The following AMOTL1 variants were observed in gnomAD, a reference collection of about 807,000 sequenced individuals.
AMOTL1 encodes angiomotin like 1.
A neutral mutation model predicts 102.9 loss-of-function variants in AMOTL1; 45 were observed. The observed-to-expected ratio is 0.44, with a 90% CI of 0.34 to 0.56. The LOEUF (loss-of-function observed/expected upper bound fraction) is 0.56. Among genes scored for constraint, AMOTL1 ranks in the 20% least tolerant of loss-of-function variants. The pLI, the probability that AMOTL1 is intolerant of heterozygous loss-of-function variation, is 0.01. For synonymous variants in AMOTL1, 481 were observed against 484.7 expected, an observed-to-expected ratio of 0.99 and a Z score of 0.10; for missense variants, 1,114 against 1,225.6, an observed-to-expected ratio of 0.91 and a Z score of 1.36.
intron 1 of AMOTL1, among the ~76,000 whole-genome samples, chr11:94,781,917 A>G (rs1371209724): frequency 6.6e-6 from 1 of 152,244 alleles, no homozygotes; most frequent in Non-Finnish European, 1.5e-5. Context: ...AGACAGTGGT[A>G]GTAGTCAGTC....
chr11:94,863,770 T>C (rs562244623), intron 9 of AMOTL1, among the ~76,000 whole-genome samples: 1 of 152,350 alleles, frequency 6.6e-6, no homozygotes, highest in East Asian at 1.9e-4. Context: ...TTACTAATCA[T>C]TGTTAGTTAG....
At chr11:94,800,428 A>G in intron 3 of AMOTL1, 117 bp downstream of exon 3, 1 of 1,160,118 alleles carries the variant, frequency 8.6e-7, no homozygotes, top group East Asian at 2.4e-5. Flanking sequence ...TTCCTTATGC[A>G]TGATATTTAA....
At position 94,792,768 on chromosome 11, in the gene AMOTL1, G is replaced by T. The variant is rs142163524; in HGVS notation, c.50-2243G>T. Among the ~76,000 whole-genome samples the T allele has an allele frequency of 1.6e-3, 241 of 152,308 alleles. 2 individuals are homozygous for T. The highest frequency in any genetic ancestry group is 5.5e-3 in the African/African-American group (227 of 41,568). Reference sequence around the variant, plus strand: ...AGTGTGAATTCAGGTGTGTGTGGGGGTGTGTGAAATGCTTTAGTTCTTTCA... The same window carrying T: ...AGTGTGAATTCAGGTGTGTGTGGGGTTGTGTGAAATGCTTTAGTTCTTTCA... On this transcript the variant is annotated intron_variant, in intron 1 of 12. Coordinates refer to ENST00000433060, the MANE Select transcript of AMOTL1 (RefSeq NM_130847.3).
At chr11:94,773,275 A>G (rs1031086791) in intron 1 of AMOTL1, among the ~76,000 whole-genome samples, 1 of 152,218 alleles carries the variant, frequency 6.6e-6, no homozygotes, top group Non-Finnish European at 1.5e-5. Flanking sequence ...TTAGTGTCAC[A>G]TCTAAGAACA....
intron 1 of AMOTL1, among the ~76,000 whole-genome samples, chr11:94,790,349 G>A (rs1344352340): frequency 6.6e-6 from 1 of 152,192 alleles, no homozygotes; most frequent in Non-Finnish European, 1.5e-5. Context: ...ATACTAGGCA[G>A]GTGAAATTTA....
At chr11:94,783,758 G>T (rs567492601) in intron 1 of AMOTL1, among the ~76,000 whole-genome samples, 1 of 152,184 alleles carries the variant, frequency 6.6e-6, no homozygotes, top group African/African-American at 2.4e-5. Flanking sequence ...TAGACTTTCA[G>T]ATTTGGGTCT....
At chr11:94,864,884 T>C (rs1476414372) in intron 10 of AMOTL1, 24 bp downstream of exon 10, 1 of 1,607,052 alleles carries the variant, frequency 6.2e-7, no homozygotes, top group Admixed American at 1.7e-5. Context: ...ATGTGTGACG[T>C]GTGGGGCCCG....
chr11:94,854,147 T>C (rs577728821), intron 8 of AMOTL1, 65 bp downstream of exon 8: 1,009 of 1,457,544 alleles, frequency 6.9e-4, no homozygotes, highest in Non-Finnish European at 8.5e-4. Context: ...GTATGGATGT[T>C]CTACCATGGG....
chr11:94,824,477 T>C (rs2135640157), intron 4 of AMOTL1, among the ~76,000 whole-genome samples: 1 of 152,316 alleles, frequency 6.6e-6, no homozygotes, highest in African/African-American at 2.4e-5. Context: ...ACCTCAGATT[T>C]TGATGGATAC....
At chr11:94,834,431 C>CA (rs1394843606) in intron 6 of AMOTL1, among the ~76,000 whole-genome samples, 2 of 152,008 alleles carry the variant, frequency 1.3e-5, no homozygotes, top group Non-Finnish European at 2.9e-5. Flanking sequence ...ACTAAAAATA[C>CA]AAAAAATTAG....
intron 6 of AMOTL1, among the ~76,000 whole-genome samples, chr11:94,840,352 TAAA>T (rs1218157032): frequency 3.3e-5 from 5 of 152,092 alleles, no homozygotes; most frequent in Non-Finnish European, 4.4e-5. Flanking sequence ...CGTAGACCAT[TAAA>T]AATAAGCTTG....
chr11:94,741,299 T>C (rs1188585523), intron 3 of AMOTL1, among the ~76,000 whole-genome samples: 2 of 152,134 alleles, frequency 1.3e-5, no homozygotes, highest in Non-Finnish European at 2.9e-5. Flanking sequence ...CCGAGGAGCC[T>C]GGCACAGCAA....
chr11:94,725,347 A>G (rs1395809537), intron 1 of AMOTL1, among the ~76,000 whole-genome samples: 1 of 152,124 alleles, frequency 6.6e-6, no homozygotes, highest in African/African-American at 2.4e-5. Flanking sequence ...TTTCCAGAGA[A>G]GCTGAGGCAA....
rs994078677 is a variant in AMOTL1, at chr11:94,874,996, G to C, written c.*4201G>C. The C allele has an allele frequency of 6.6e-6, 1 of 152,190 alleles. No individual in the cohort carries two copies. Among genetic ancestry groups the C allele is most frequent in the African/African-American group, 2.4e-5 (1 of 41,436 alleles). The allele number at this position is 152,190 out of a possible 1,614,324, so 9.4% of individuals were successfully genotyped here. ...GGAGTACCATGACCATAGTCAGTGG[G>C]ATCCCACAAATGTTCTTAAATGGGT... On this transcript the variant is annotated 3_prime_UTR_variant, in exon 13 of 13. Transcript: ENST00000433060.
chr11:94,763,979 G>C (rs902997585), upstream of AMOTL1, among the ~76,000 whole-genome samples: 1 of 152,204 alleles, frequency 6.6e-6, no homozygotes, highest in Non-Finnish European at 1.5e-5. Flanking sequence ...GGGTTGATGT[G>C]ACCATTTGAT....
chr11:94,725,008 A>G (rs946397925), intron 1 of AMOTL1, among the ~76,000 whole-genome samples: 5 of 152,160 alleles, frequency 3.3e-5, no homozygotes, highest in African/African-American at 4.8e-5. Context: ...ATGTACGACC[A>G]GGGTTTTTCT....
At chr11:94,838,587 T>C (rs1952230501) in intron 6 of AMOTL1, among the ~76,000 whole-genome samples, 2 of 152,108 alleles carry the variant, frequency 1.3e-5, no homozygotes, top group Non-Finnish European at 2.9e-5. Context: ...CAGGTCATAC[T>C]TTGCTGACCT....
intron 3 of AMOTL1, among the ~76,000 whole-genome samples, chr11:94,808,504 T>C (rs1951605868): frequency 6.6e-6 from 1 of 152,240 alleles, no homozygotes; most frequent in Non-Finnish European, 1.5e-5. Context: ...TTATTACATA[T>C]TAGCCTAATA....
intron 1 of AMOTL1, among the ~76,000 whole-genome samples, chr11:94,793,630 T>C (rs576965297): frequency 6.6e-6 from 1 of 152,354 alleles, no homozygotes; most frequent in South Asian, 2.1e-4. Flanking sequence ...TGATTCCTAA[T>C]TTTAGCCCTA....
Sources: gnomAD v4.1 joint callset for allele counts (sites outside exome capture counted in the v4.1 genomes callset) on GRCh38, gnomAD v4.1.1 for gene constraint, MANE v1.5 for transcripts, NCBI Gene and HGNC (gene_info 2026-07-23, HGNC 2026-07-21) for gene names.